The following PUDP variants were observed in gnomAD, a reference collection of about 807,000 sequenced individuals.
PUDP encodes pseudouridine-5'-phosphatase.
Under a neutral mutation model 9.4 loss-of-function variants are expected in PUDP, and 8 were observed. The ratio of observed to expected loss-of-function variants is 0.85; its 90% CI spans 0.50 to 1.53. The LOEUF is 1.53. PUDP is among the 40% of genes most tolerant of loss of function. The pLI is 0.00. For missense variants in PUDP, 188 were observed against 189.7 expected (o/e 0.99, Z 0.05); for synonymous variants, 99 against 80.7 (o/e 1.23, Z -1.22).
intron 1 of PUDP, among the ~76,000 whole-genome samples, chrX:7,036,586 T>C (rs1256059011): frequency 9.1e-6 from 1 of 110,429 alleles, no homozygotes; most frequent in Non-Finnish European, 1.9e-5. Context: ...TTTTTGTTCT[T>C]TTCCATCTCA....
chrX:7,098,924 GGAGAGC>G (rs1156242181), intron 2 of PUDP, among the ~76,000 whole-genome samples: 1 of 110,920 alleles, frequency 9.0e-6, no homozygotes, highest in Non-Finnish European at 1.9e-5. Context: ...GAGATGCAGG[GGAGAGC>G]CGGCCAAGAG....
chrX:6,848,571 A>G (rs1926781936), intron 3 of PUDP, among the ~76,000 whole-genome samples: 1 of 112,110 alleles, frequency 8.9e-6, no homozygotes, highest in Admixed American at 9.4e-5. Flanking sequence ...AGGTGAGACA[A>G]TGATGTGATT....
intron 3 of PUDP, among the ~76,000 whole-genome samples, chrX:6,870,082 A>G (rs1019518657): frequency 9.0e-6 from 1 of 111,321 alleles, no homozygotes; most frequent in Non-Finnish European, 1.9e-5. Context: ...TCAGGCTTAA[A>G]AAAAAAAAGG....
chrX:7,117,606 A>G lies in PUDP; in HGVS notation c.62-11768T>C, dbSNP rs181034836. ...TTATATTTAAAGGGAAGGTAGAGCA[A>G]AAAAGTTTAGGAAATATGCTGCCTG... On this transcript the variant is annotated intron_variant, in intron 1 of 3. Transcript: ENST00000381077. Among the ~76,000 whole-genome samples the G allele has an allele frequency of 8.0e-5, 9 of 113,167 alleles. No homozygotes were observed. The East Asian group carries it at 2.5e-3, about 31-fold the overall frequency.
chrX:6,940,230 AATAAAGTTTTAT>A (rs1928379732), intron 3 of PUDP, among the ~76,000 whole-genome samples: 1 of 113,743 alleles, frequency 8.8e-6, no homozygotes, highest in African/African-American at 3.2e-5. Context: ...TGTCTTTGCA[AATAAAGTTTTAT>A]TGGAACACAG....
intron 1 of PUDP, among the ~76,000 whole-genome samples, chrX:6,997,807 G>A (rs765907789): frequency 1.8e-5 from 2 of 111,436 alleles, no homozygotes; most frequent in Non-Finnish European, 3.8e-5. Flanking sequence ...AAGCAATTTA[G>A]CTTTGAGAAA....
intron 1 of PUDP, among the ~76,000 whole-genome samples, chrX:7,002,062 C>T (rs760913134): frequency 1.8e-4 from 20 of 111,624 alleles, no homozygotes; most frequent in Non-Finnish European, 3.6e-4. Context: ...ACGTAAGTCA[C>T]CATGGCTCAG....
At chrX:6,816,762 CAATA>C (rs1172994775) in intron 3 of PUDP, among the ~76,000 whole-genome samples, 2 of 92,477 alleles carry the variant, frequency 2.2e-5, no homozygotes, top group Admixed American at 1.3e-4. Flanking sequence ...ATAGTATATA[CAATA>C]TATATACACA....
At chrX:6,846,146 G>A (rs1483054618) in intron 3 of PUDP, among the ~76,000 whole-genome samples, 1 of 111,296 alleles carries the variant, frequency 9.0e-6, no homozygotes, top group East Asian at 2.8e-4. Context: ...TTTGAAAAGT[G>A]TCAGTTTTCT....
intron 3 of PUDP, among the ~76,000 whole-genome samples, chrX:6,931,662 T>C (rs1190364961): frequency 8.9e-6 from 1 of 111,883 alleles, no homozygotes; most frequent in African/African-American, 3.3e-5. Flanking sequence ...GCAGCGCTCC[T>C]GTGTGGGAAT....
intron 3 of PUDP, among the ~76,000 whole-genome samples, chrX:6,841,234 G>A (rs767996065): frequency 8.4e-5 from 9 of 107,361 alleles, no homozygotes; most frequent in South Asian, 4.2e-4. Context: ...CCGAGATTGC[G>A]CCACTGCACT....
At chrX:6,847,468 ATCTTACT>A (rs1235012297) in intron 3 of PUDP, among the ~76,000 whole-genome samples, 1 of 112,362 alleles carries the variant, frequency 8.9e-6, no homozygotes, top group African/African-American at 3.2e-5. Flanking sequence ...TTTAATCACA[ATCTTACT>A]TTATTTTTCT....
At position 6,896,498 on chromosome X, in the gene PUDP, C is replaced by G. The variant is rs564799602; in HGVS notation, c.*247+80635G>C. ...GTAATGCAATATGGAAGTGCCTATA[C>G]ATTGCACTTGAATGCTGGTGGATGT... On this transcript the variant is annotated intron_variant and NMD_transcript_variant, in intron 3 of 3. Transcript: ENST00000655425. 9.8e-5 allele frequency among the ~76,000 whole-genome samples: 11 copies of G among 111,936 alleles called. No homozygotes were observed. In the East Asian group the frequency reaches 2.2e-3, roughly 23 times the overall value.
At chrX:6,995,427 A>C (rs764828210) in intron 1 of PUDP, among the ~76,000 whole-genome samples, 7 of 112,093 alleles carry the variant, frequency 6.2e-5, no homozygotes, top group African/African-American at 2.3e-4. Flanking sequence ...TAAGGGATCT[A>C]AAAATATGAA....
chrX:7,082,151 G>A (rs921601928), intron 2 of PUDP, among the ~76,000 whole-genome samples: 13 of 112,042 alleles, frequency 1.2e-4, no homozygotes, highest in African/African-American at 3.6e-4. Flanking sequence ...AGATATCTAG[G>A]TATCTGTTGC....
At position 7,144,694 on chromosome X, in the gene PUDP, G is replaced by A. The variant is rs181669219; in HGVS notation, c.61+3359C>T. ...AGGTCTTCATTTTACTAAAGGTGAA[G>A]TAGAAGTCACTCATTAAAATCCTGC... On this transcript the variant is annotated intron_variant, in intron 1 of 3. Coordinates refer to ENST00000381077, the MANE Select transcript of PUDP (RefSeq NM_012080.5). Among the ~76,000 whole-genome samples the A allele has an allele frequency of 4.3e-4, 48 of 111,854 alleles. No homozygotes were observed. The East Asian group carries it at 7.5e-3, about 18-fold the overall frequency.
At chrX:6,965,851 CTT>C (rs779014703) in intron 3 of PUDP, among the ~76,000 whole-genome samples, 116 of 111,754 alleles carry the variant, frequency 1.0e-3, no homozygotes, top group Middle Eastern at 4.6e-3. Context: ...TTATTTAACT[CTT>C]GAGTTAGGAA....
chrX:6,815,396 C>T (rs1258447713), intron 3 of PUDP, among the ~76,000 whole-genome samples: 2 of 111,892 alleles, frequency 1.8e-5, no homozygotes, highest in Admixed American at 9.5e-5. Flanking sequence ...CAACTACATC[C>T]GTTATAGTCA....
chrX:7,026,413 T>G (rs768291213), intron 1 of PUDP, among the ~76,000 whole-genome samples: 1 of 112,470 alleles, frequency 8.9e-6, no homozygotes, highest in South Asian at 3.7e-4. Flanking sequence ...CAGATGCCAC[T>G]GATGGATTGT....
Sources: allele counts gnomAD v4.1 joint callset (sites outside exome capture counted in the v4.1 genomes callset), GRCh38; gene constraint gnomAD v4.1.1; transcripts MANE v1.5; gene names NCBI Gene and HGNC (gene_info 2026-07-23, HGNC 2026-07-21).